Variants in RHOJ observed in about 807,000 individuals in gnomAD.
RHOJ encodes rho-related GTP-binding protein RhoJ.
RHOJ carries 11 observed loss-of-function variants against 23.4 expected under a neutral mutation model. The observed-to-expected ratio is 0.47, with a 90% CI of 0.30 to 0.78. RHOJ has a LOEUF of 0.78. Ranked by LOEUF, RHOJ falls within the 30% of genes least tolerant of loss-of-function variation. RHOJ has a pLI of 0.08. For synonymous variants in RHOJ, 102 were observed against 102.7 expected (o/e 0.99, Z 0.04); for missense variants, 254 against 273.4 (o/e 0.93, Z 0.50).
At chr14:63,233,103 A>G (rs1323915182) in intron 1 of RHOJ, among the ~76,000 whole-genome samples, 1 of 152,188 alleles carries the variant, frequency 6.6e-6, no homozygotes, top group Non-Finnish European at 1.5e-5. Context: ...GAATGTGAGG[A>G]TCATGGGAAG....
At chr14:63,221,623 A>T (rs1011171306) in intron 1 of RHOJ, among the ~76,000 whole-genome samples, 2 of 152,240 alleles carry the variant, frequency 1.3e-5, no homozygotes, top group Non-Finnish European at 2.9e-5. Context: ...GATGTGCCCA[A>T]GGAGTTCATT....
At chr14:63,275,150 T>C (rs1881678424) in intron 2 of RHOJ, among the ~76,000 whole-genome samples, 2 of 152,130 alleles carry the variant, frequency 1.3e-5, no homozygotes, top group African/African-American at 4.8e-5. Context: ...CGAGACCCTA[T>C]CTCTACAACA....
intron 3 of RHOJ, among the ~76,000 whole-genome samples, chr14:63,281,373 AT>A (rs1037556283): frequency 6.6e-6 from 1 of 151,958 alleles, no homozygotes; most frequent in Non-Finnish European, 1.5e-5. Context: ...AATCTCTATG[AT>A]TTTTTTTAAA....
chr14:63,271,624 C>T (rs1386566098), intron 2 of RHOJ, among the ~76,000 whole-genome samples: 1 of 152,134 alleles, frequency 6.6e-6, no homozygotes, highest in Non-Finnish European at 1.5e-5. Context: ...GACAGGGTTT[C>T]ACTCCCATCA....
chr14:63,257,997 C>A (rs954012063), intron 1 of RHOJ, among the ~76,000 whole-genome samples: 2 of 149,528 alleles, frequency 1.3e-5, no homozygotes, highest in Non-Finnish European at 3.0e-5. Context: ...GAGGCCGAGG[C>A]GGGTGGATCA....
chr14:63,262,955 T>TGG (rs1357604030), intron 1 of RHOJ, among the ~76,000 whole-genome samples: 1 of 152,140 alleles, frequency 6.6e-6, no homozygotes, highest in African/African-American at 2.4e-5. Context: ...GAGTATTCAG[T>TGG]GGAGAGCAAG....
chr14:63,223,202 G>A (rs1894530571), intron 1 of RHOJ, among the ~76,000 whole-genome samples: 5 of 152,240 alleles, frequency 3.3e-5, no homozygotes. Context: ...TTGAGAAGCA[G>A]TGGTCAGCCA....
At chr14:63,252,861 C>T (rs1177359962) in intron 1 of RHOJ, among the ~76,000 whole-genome samples, 3 of 152,198 alleles carry the variant, frequency 2.0e-5, no homozygotes, top group Non-Finnish European at 4.4e-5. Flanking sequence ...AACCCTCCCA[C>T]TTCGGCCTTC....
rs1385326975 is a variant in RHOJ at position 63,281,037 on chromosome 14, G to A, written c.304G>A (p.Val102Ile). ...NTDVFLICFS[V>I]VNPASYHNVQ... is the part of the protein sequence containing the mutation. ...GGATGTGTTTTTGATCTGCTTCTCTGTCGTAAACCCTGCCTCTTACCACAA... is the reference window on the plus strand; with the variant it reads ...GGATGTGTTTTTGATCTGCTTCTCTATCGTAAACCCTGCCTCTTACCACAA... Residue 102 changes from valine to isoleucine, a missense_variant, in exon 3 of 5, where the codon GTC becomes ATC. Physicochemically the swap from Val to Ile is conservative, Grantham distance 29 (BLOSUM62 3). Transcript: ENST00000316754. The A allele has an allele frequency of 5.6e-6, 9 of 1,613,962 alleles. No individual in the cohort carries two copies. Among genetic ancestry groups the A allele is most frequent in the Non-Finnish European group, 6.8e-6 (8 of 1,180,002 alleles).
At chr14:63,241,830 G>A (rs960909502) in intron 1 of RHOJ, among the ~76,000 whole-genome samples, 24 of 152,102 alleles carry the variant, frequency 1.6e-4, no homozygotes, top group Admixed American at 1.6e-3. Context: ...AGTAGTATAA[G>A]GACACTATTT....
At position 63,204,538 on chromosome 14, in the gene RHOJ, G is replaced by A. The variant is rs1282090732; in HGVS notation, c.-332G>A. ...CGTATCTTTTGCCAGGCTAGAGACAGGGAGAGCAGAGTAAAACCCTCAGGC... is the reference window on the plus strand; with the variant it reads ...CGTATCTTTTGCCAGGCTAGAGACAAGGAGAGCAGAGTAAAACCCTCAGGC... On this transcript the variant is annotated 5_prime_UTR_variant, in exon 1 of 5. Coordinates refer to ENST00000316754, the MANE Select transcript of RHOJ (RefSeq NM_020663.5). The A allele has an allele frequency of 3.4e-6, 1 of 295,654 alleles. No individual in the cohort carries two copies. The highest frequency in any genetic ancestry group is 5.9e-5 in the South Asian group (1 of 17,064). 18.3% of individuals were successfully genotyped at this position (295,654 alleles called of 1,614,324 possible).
At chr14:63,252,154 G>A (rs1308767277) in intron 1 of RHOJ, among the ~76,000 whole-genome samples, 2 of 152,166 alleles carry the variant, frequency 1.3e-5, no homozygotes, top group East Asian at 3.8e-4. Context: ...CAGCAGACCT[G>A]CATTCCTACA....
intron 1 of RHOJ, among the ~76,000 whole-genome samples, chr14:63,253,351 G>A (rs1004544587): frequency 5.3e-5 from 8 of 151,964 alleles, no homozygotes; most frequent in African/African-American, 1.4e-4. Flanking sequence ...TCACTATAAC[G>A]TCAAACTCCT....
intron 1 of RHOJ, among the ~76,000 whole-genome samples, chr14:63,264,163 T>A (rs1895324628): frequency 6.6e-6 from 1 of 152,006 alleles, no homozygotes; most frequent in Admixed American, 6.6e-5. Context: ...TTTCAACCCA[T>A]CCTTCCCTTT....
intron 1 of RHOJ, among the ~76,000 whole-genome samples, chr14:63,237,890 A>G (rs2139628844): frequency 6.6e-6 from 1 of 152,330 alleles, no homozygotes; most frequent in South Asian, 2.1e-4. Flanking sequence ...TTCTTTAACA[A>G]GTACAACTTA....
intron 1 of RHOJ, among the ~76,000 whole-genome samples, chr14:63,220,480 T>G (rs1200813378): frequency 1.3e-5 from 2 of 149,760 alleles, no homozygotes; most frequent in East Asian, 1.9e-4. Context: ...TTGGTTACGT[T>G]AAATAGAAAA....
At position 63,293,065 on chromosome 14, in the gene RHOJ, A is replaced by T. The variant is rs1274457107; in HGVS notation, c.*2041A>T. 1 of 152,206 alleles carries T rather than the reference A, an allele frequency of 6.6e-6. No individual in the cohort carries two copies. Among genetic ancestry groups the T allele is most frequent in the African/African-American group, 2.4e-5 (1 of 41,452 alleles). 9.4% of individuals were successfully genotyped at this position (152,206 alleles called of 1,614,324 possible). On this transcript the variant is annotated 3_prime_UTR_variant, in exon 5 of 5. Transcript: ENST00000316754. ...AGTGACTGGAAAAACGGGAGTTTTCAGTCAAAGCTTGACATTTAGAGAAAA... is the reference window on the plus strand; with the variant it reads ...AGTGACTGGAAAAACGGGAGTTTTCTGTCAAAGCTTGACATTTAGAGAAAA...
In RHOJ at chr14:63,204,942, G is replaced by A. The variant is rs1286471459; in HGVS notation, c.73G>A (p.Val25Met). 6.2e-7 allele frequency: 1 copy of A among 1,614,200 alleles called. No individual in the cohort carries two copies. Reference sequence around the variant, plus strand: ...CGACGAGAAGAAGATGTTGAAGTGTGTGGTGGTGGGGGACGGTGCCGTGGG... The same window carrying A: ...CGACGAGAAGAAGATGTTGAAGTGTATGGTGGTGGGGGACGGTGCCGTGGG... ...GNDEKKMLKCVVVGDGAVGKT... is the reference protein window; with the variant it reads ...GNDEKKMLKCMVVGDGAVGKT... The change falls in exon 1 of 5, where the codon GTG (valine) becomes ATG (methionine). Residue 25 changes from valine to methionine, a missense_variant. By Grantham distance (21) the Val-to-Met change is conservative (BLOSUM62 1). Coordinates refer to ENST00000316754, the MANE Select transcript of RHOJ (RefSeq NM_020663.5).
intron 1 of RHOJ, among the ~76,000 whole-genome samples, chr14:63,231,257 CTACCTTTTTCCTCTGATGTTA>C (rs1894690414): frequency 6.6e-6 from 1 of 152,132 alleles, no homozygotes; most frequent in South Asian, 2.1e-4. Context: ...GTATCCATCC[CTACCTTTTTCCTCTGATGTTA>C]TAAGCCCTTT....
Sources: gnomAD v4.1 joint callset for allele counts (sites outside exome capture counted in the v4.1 genomes callset) on GRCh38, gnomAD v4.1.1 for gene constraint, MANE v1.5 for transcripts, NCBI Gene and HGNC (gene_info 2026-07-23, HGNC 2026-07-21) for gene names.